DSE: variants seen among roughly 807,000 people sequenced by gnomAD.
DSE encodes dermatan-sulfate epimerase.
Under a neutral mutation model 84.4 loss-of-function variants are expected in DSE, and 36 were observed. That is an observed-to-expected ratio of 0.43 (90% confidence interval 0.33 to 0.56). The LOEUF (loss-of-function observed/expected upper bound fraction) is 0.56, where lower values mean the gene tolerates loss of function less well. Ranked by LOEUF, DSE falls within the 20% of genes least tolerant of loss-of-function variation. DSE has a pLI of 0.06. For missense variants in DSE, 862 were observed against 1,169.6 expected (o/e 0.74, Z 3.84); for synonymous variants, 410 against 430.1 (o/e 0.95, Z 0.58).
intron 2 of DSE, among the ~76,000 whole-genome samples, chr6:116,322,169 A>T (rs1222078211): frequency 6.6e-6 from 1 of 152,052 alleles, no homozygotes; most frequent in African/African-American, 2.4e-5. Context: ...AGATCAGAAC[A>T]AAACAGGATA....
intron 2 of DSE, among the ~76,000 whole-genome samples, chr6:116,360,526 T>C (rs1778831477): frequency 6.6e-6 from 1 of 152,210 alleles, no homozygotes. Context: ...GGTCACACCA[T>C]TATCCCTCTT....
upstream of DSE, chr6:116,370,233 TTC>T: frequency 3.9e-6 from 1 of 258,400 alleles, no homozygotes; most frequent in East Asian, 8.8e-5. Flanking sequence ...TAAGATAAAT[TTC>T]TGTTTGTGAG....
chr6:116,397,354 C>A (rs966234931), intron 1 of DSE, among the ~76,000 whole-genome samples: 2 of 150,836 alleles, frequency 1.3e-5, no homozygotes. Context: ...ATACAGGCAC[C>A]CCCCACCACA....
At chr6:116,312,775 A>AT in intron 2 of DSE, among the ~76,000 whole-genome samples, 1 of 152,090 alleles carries the variant, frequency 6.6e-6, no homozygotes, top group African/African-American at 2.4e-5. Flanking sequence ...TAAAATATAT[A>AT]TATTTTTATT....
intron 2 of DSE, among the ~76,000 whole-genome samples, chr6:116,360,278 A>G (rs1033663417): frequency 2.6e-5 from 4 of 152,194 alleles, no homozygotes; most frequent in Non-Finnish European, 5.9e-5. Context: ...AGGTGCAGCA[A>G]ACCACCATGG....
At chr6:116,412,638 A>G in intron 2 of DSE, 1 of 151,942 alleles carries the variant, frequency 6.6e-6, no homozygotes, top group East Asian at 1.9e-4. Flanking sequence ...TACAGACATA[A>G]CTTTTTTTAT....
In DSE at chr6:116,285,344, C is replaced by T. The variant is rs1442438237; in HGVS notation, c.-54+26377C>T. On this transcript the variant is annotated intron_variant, in intron 2 of 3. Coordinates refer to the DSE transcript ENST00000430252. ...TTTTGAGAAGTGACTGTTCATATCC[C>T]TCGCCCACTTTTTGATGGGGTTGTT... 2.6e-5 allele frequency among the ~76,000 whole-genome samples: 4 copies of T among 152,046 alleles called. No homozygotes were observed. The South Asian group carries it at 6.2e-4, about 24-fold the overall frequency.
chr6:116,311,862 A>G (rs893569489), intron 2 of DSE, among the ~76,000 whole-genome samples: 1 of 152,194 alleles, frequency 6.6e-6, no homozygotes, highest in Non-Finnish European at 1.5e-5. Flanking sequence ...ATCACCATCC[A>G]AAATTACATT....
chr6:116,362,482 T>C (rs1045422617), intron 2 of DSE, among the ~76,000 whole-genome samples: 3 of 152,114 alleles, frequency 2.0e-5, no homozygotes, highest in African/African-American at 7.2e-5. Context: ...TGGTGCCTTA[T>C]AAGAGGGAGA....
chr6:116,441,698 T>C lies in DSE; in HGVS notation c.*4353T>C, dbSNP rs1423266974. 1.3e-5 allele frequency: 2 copies of C among 152,196 alleles called. No individual in the cohort carries two copies. The highest frequency in any genetic ancestry group is 2.9e-5 in the Non-Finnish European group (2 of 68,028). The allele number at this position is 152,196 out of a possible 1,614,324, so 9.4% of individuals were successfully genotyped here. A position where few individuals can be genotyped will look rare whatever the true frequency, so the allele number is the denominator to read the frequency against. ...TCCATTCTCTGTGTCATTTTGAAAA[T>C]CTATTTGCTGTTAATTTAATGGGGT... On this transcript the variant is annotated 3_prime_UTR_variant, in exon 6 of 6. Coordinates refer to ENST00000644252, the MANE Select transcript of DSE (RefSeq NM_013352.4).
chr6:116,370,545 T>C (rs966461031), upstream of DSE: 4 of 979,174 alleles, frequency 4.1e-6, no homozygotes, highest in Non-Finnish European at 4.9e-6. Flanking sequence ...CAGAGTAGTA[T>C]GGAAGCATCA....
chr6:116,430,786 A>AT (rs1783781422), intron 3 of DSE, among the ~76,000 whole-genome samples, 168 bp from the exon 4 acceptor site: 1 of 66,732 alleles, frequency 1.5e-5, no homozygotes, highest in Non-Finnish European at 3.2e-5. Flanking sequence ...ATGGACTGTC[A>AT]CAACCTGGAT....
At chr6:116,320,657 G>T (rs1236519644) in intron 2 of DSE, among the ~76,000 whole-genome samples, 1 of 152,070 alleles carries the variant, frequency 6.6e-6, no homozygotes, top group Admixed American at 6.6e-5. Flanking sequence ...AGCAGCATTG[G>T]TTTCCTCTCC....
chr6:116,301,572 A>G (rs929179428), intron 2 of DSE, among the ~76,000 whole-genome samples: 1 of 152,202 alleles, frequency 6.6e-6, no homozygotes, highest in African/African-American at 2.4e-5. Flanking sequence ...GCTGAGTAGT[A>G]TCTGATTATG....
chr6:116,336,950 A>G (rs1190799911), intron 2 of DSE, among the ~76,000 whole-genome samples: 2 of 152,340 alleles, frequency 1.3e-5, no homozygotes, highest in South Asian at 2.1e-4. Context: ...TTTCATGACT[A>G]TAGATTCAAA....
chr6:116,289,913 A>G (rs1166108993), intron 2 of DSE, among the ~76,000 whole-genome samples: 1 of 152,110 alleles, frequency 6.6e-6, no homozygotes, highest in Non-Finnish European at 1.5e-5. Context: ...TGATTTGAAA[A>G]ATACCATATT....
chr6:116,407,934 G>T (rs764314699), intron 2 of DSE, among the ~76,000 whole-genome samples: 1 of 152,140 alleles, frequency 6.6e-6, no homozygotes, highest in Non-Finnish European at 1.5e-5. Context: ...TTTCAACTCT[G>T]CCTTCAGTTT....
intron 2 of DSE, among the ~76,000 whole-genome samples, chr6:116,408,036 A>G (rs1288460881): frequency 6.6e-6 from 1 of 152,190 alleles, no homozygotes; most frequent in Non-Finnish European, 1.5e-5. Flanking sequence ...CTCCAACCCT[A>G]TCCAGACTGT....
rs1392338895 is a variant in DSE, at chr6:116,279,757, G to C, written c.-54+20790G>C. 5.6e-6 allele frequency: 9 copies of C among 1,612,078 alleles called. No homozygotes were observed. The African/African-American group carries it at 9.3e-5, about 17-fold the overall frequency. On this transcript the variant is annotated intron_variant, in intron 2 of 3. Transcript: ENST00000430252. ...GTACTGGTGTGCGTCCTGGTCGCTC[G>C]GGACTTGGTCAGAAATAATGATGCT...
Sources: allele counts gnomAD v4.1 joint callset (sites outside exome capture counted in the v4.1 genomes callset), GRCh38; gene constraint gnomAD v4.1.1; transcripts MANE v1.5; gene names NCBI Gene and HGNC (gene_info 2026-07-23, HGNC 2026-07-21).